WFDC1: variants seen among roughly 807,000 people sequenced by gnomAD.
WFDC1 encodes the protein WAP four-disulfide core domain 1.
A neutral mutation model predicts 32.9 loss-of-function variants in WFDC1; 39 were observed. The ratio of observed to expected loss-of-function variants is 1.19; its 90% CI spans 0.92 to 1.55. The LOEUF is 1.55. Ranked by LOEUF, WFDC1 falls within the 40% of genes most tolerant of loss-of-function variation. The probability of loss-of-function intolerance (pLI) is 0.00; values close to 1 mark genes in which losing one functional copy is unlikely to be tolerated. For synonymous variants in WFDC1, 184 were observed against 137.4 expected (o/e 1.34, Z -2.37); for missense variants, 386 against 309.5 (o/e 1.25, Z -1.85).
chr16:84,304,149 C>G (rs1396562627), intron 1 of WFDC1, among the ~76,000 whole-genome samples: 1 of 152,210 alleles, frequency 6.6e-6, no homozygotes, highest in East Asian at 1.9e-4. Flanking sequence ...GTTCCCACTG[C>G]TGCAGCCCAA....
chr16:84,316,634 T>C (rs1460437595), intron 2 of WFDC1: 1 of 151,790 alleles, frequency 6.6e-6, no homozygotes, highest in Non-Finnish European at 1.5e-5. Context: ...GTAAAAAAAG[T>C]TTTAAAATTA....
chr16:84,315,818 C>T (rs1907913831), intron 2 of WFDC1, among the ~76,000 whole-genome samples: 1 of 152,204 alleles, frequency 6.6e-6, no homozygotes, highest in Non-Finnish European at 1.5e-5. Context: ...CTTACTTCTT[C>T]ATTGCCATCT....
chr16:84,295,260 G>C, intron 1 of WFDC1, 145 bp downstream of exon 1: 1 of 1,098,506 alleles, frequency 9.1e-7, no homozygotes, highest in Non-Finnish European at 1.3e-6. Context: ...GTGTGTGTCT[G>C]AGTTGTGTGG....
Position 84,318,353 on chromosome 16 carries a change from A to G in WFDC1, c.419A>G (p.Gln140Arg). Residue 140 changes from glutamine to arginine, a missense_variant and splice_region_variant, in exon 3 of 7, where the codon CAA becomes CGA. Physicochemically the swap from Gln to Arg is conservative, Grantham distance 43. Coordinates refer to ENST00000219454, the MANE Select transcript of WFDC1 (RefSeq NM_021197.4). ...WLLDGPEEVL[Q>R]AEACSTTEDG... ...CTGGATGGCCCTGAGGAGGTGTTAC[A>G]AGGTACCTGCCGGGTAAAGCCCAGA... 6.2e-7 allele frequency: 1 copy of G among 1,613,846 alleles called. No homozygotes were observed. Among genetic ancestry groups the G allele is most frequent in the East Asian group, 2.2e-5 (1 of 44,854 alleles).
chr16:84,303,167 G>A (rs1268683514), intron 1 of WFDC1, among the ~76,000 whole-genome samples: 1 of 151,994 alleles, frequency 6.6e-6, no homozygotes, highest in Admixed American at 6.5e-5. Flanking sequence ...CTGTTCCGGG[G>A]AGCGACATAT....
chr16:84,305,885 C>G (rs950484142), intron 1 of WFDC1, among the ~76,000 whole-genome samples: 1 of 152,044 alleles, frequency 6.6e-6, no homozygotes, highest in Non-Finnish European at 1.5e-5. Flanking sequence ...CACCTGTAGT[C>G]CCAGCTACTT....
At chr16:84,311,396 T>TTTTTTTC (rs1907612598) in intron 1 of WFDC1, among the ~76,000 whole-genome samples, 1 of 147,530 alleles carries the variant, frequency 6.8e-6, no homozygotes, top group Admixed American at 6.9e-5. Flanking sequence ...TTTTTTTCTT[T>TTTTTTTC]TTTTTGTATT....
At chr16:84,304,069 C>T (rs1431972337) in intron 1 of WFDC1, among the ~76,000 whole-genome samples, 1 of 152,192 alleles carries the variant, frequency 6.6e-6, no homozygotes, top group Non-Finnish European at 1.5e-5. Flanking sequence ...CTTATGTATC[C>T]AGCCTCTTTT....
intron 1 of WFDC1, among the ~76,000 whole-genome samples, chr16:84,298,053 C>T (rs542511923): frequency 7.0e-4 from 107 of 152,264 alleles, no homozygotes; most frequent in Non-Finnish European, 2.9e-5. Context: ...CTCTGGAGAG[C>T]CAGTTTTGTT....
intron 1 of WFDC1, among the ~76,000 whole-genome samples, chr16:84,297,641 A>AAAAAAAAAAAC (rs1567648438): frequency 3.1e-5 from 4 of 129,282 alleles, no homozygotes; most frequent in Non-Finnish European, 3.3e-5. Flanking sequence ...AAAAAAAAAA[A>AAAAAAAAAAAC]AAAAAACTGT....
intron 1 of WFDC1, among the ~76,000 whole-genome samples, chr16:84,302,902 A>G (rs566560859): frequency 6.6e-6 from 1 of 152,138 alleles, no homozygotes; most frequent in East Asian, 1.9e-4. Flanking sequence ...TTATGTTAAA[A>G]CCTTCCGGAA....
intron 1 of WFDC1, among the ~76,000 whole-genome samples, chr16:84,301,262 G>T (rs571924925): frequency 6.6e-6 from 1 of 152,160 alleles, no homozygotes; most frequent in Non-Finnish European, 1.5e-5. Flanking sequence ...AGCCCCCAGC[G>T]TGTGGCATTT....
At chr16:84,317,417 G>C (rs1481045975) in intron 2 of WFDC1, 1 of 152,134 alleles carries the variant, frequency 6.6e-6, no homozygotes, top group African/African-American at 2.4e-5. Context: ...GAAATGACTG[G>C]TCAGGGCTAA....
chr16:84,325,783 CT>C (rs1908556964), intron 5 of WFDC1: 1 of 152,012 alleles, frequency 6.6e-6, no homozygotes, highest in Non-Finnish European at 1.5e-5. Flanking sequence ...TTTATCCACC[CT>C]TCTATTCCTT....
intron 4 of WFDC1, among the ~76,000 whole-genome samples, chr16:84,320,260 G>T (rs1001731765): frequency 3.9e-4 from 59 of 152,164 alleles, no homozygotes; most frequent in South Asian, 1.0e-3. Flanking sequence ...GCTAAGGTAT[G>T]GTGTTCAGTA....
At chr16:84,310,460 C>G (rs2151373958) in intron 1 of WFDC1, among the ~76,000 whole-genome samples, 1 of 152,184 alleles carries the variant, frequency 6.6e-6, no homozygotes, top group South Asian at 2.1e-4. Context: ...ATGATGTGCC[C>G]TCGCTCTGCA....
rs145072849 is a variant in WFDC1 at position 84,319,560 on chromosome 16, G to A, written c.551G>A (p.Arg184His). ...AACCGTGGGCAGTGCGTCAAGCAGC[G>A]CCGGCAAGCAGGTGAGTGTGGCACC... ...IPNRGQCVKQ[R>H]RQADGRILRH... is the part of the protein sequence containing the mutation. The change falls in exon 4 of 7, where the codon CGC becomes CAC. Residue 184 changes from arginine to histidine, a missense_variant. Transcript: ENST00000219454. The A allele has an allele frequency of 1.2e-3, 2,007 of 1,612,434 alleles. 19 individuals are homozygous for A. The African/African-American group carries it at 0.023, about 18-fold the overall frequency.
chr16:84,325,724 A>G (rs972607575), intron 5 of WFDC1: 1 of 151,650 alleles, frequency 6.6e-6, no homozygotes. Context: ...TCATTCTTCC[A>G]TCTATCCATC....
At chr16:84,311,320 C>G (rs1292511174) in intron 1 of WFDC1, among the ~76,000 whole-genome samples, 1 of 151,052 alleles carries the variant, frequency 6.6e-6, no homozygotes, top group African/African-American at 2.4e-5. Context: ...TCTTGGCTCA[C>G]TGCAAGCTCC....
Sources: gnomAD v4.1 joint callset for allele counts (sites outside exome capture counted in the v4.1 genomes callset) on GRCh38, gnomAD v4.1.1 for gene constraint, MANE v1.5 for transcripts, NCBI Gene and HGNC (gene_info 2026-07-23, HGNC 2026-07-21) for gene names.